Variants in SGCE observed in about 807,000 individuals in gnomAD.
SGCE encodes the protein sarcoglycan epsilon, also known as epsilon-sarcoglycan.
SGCE carries 26 observed loss-of-function variants against 57.8 expected under a neutral mutation model. That is an observed-to-expected ratio of 0.45 (90% CI 0.33 to 0.62). The LOEUF (loss-of-function observed/expected upper bound fraction) is 0.62. Ranked by LOEUF, SGCE falls within the 20% of genes least tolerant of loss-of-function variation. The probability of loss-of-function intolerance (pLI) is 0.02; values close to 1 mark genes in which losing one functional copy is unlikely to be tolerated. For synonymous variants in SGCE, 183 were observed against 189.5 expected (o/e 0.97, Z 0.28); for missense variants, 468 against 548.6 (o/e 0.85, Z 1.47).
rs932639243 is a variant in SGCE, at chr7:94,599,038, T to C, written c.1065-75A>G. On this transcript the variant is annotated intron_variant, in intron 8 of 10. Coordinates refer to ENST00000648936, the MANE Select transcript of SGCE (RefSeq NM_003919.3). ...CTGATGGGTCATCAATTTGAAAAACTTATGAAGTATTTTTATCTTTTAAAA... is the reference window on the plus strand; with the variant it reads ...CTGATGGGTCATCAATTTGAAAAACCTATGAAGTATTTTTATCTTTTAAAA... 5 of 1,067,670 alleles carry C rather than the reference T, an allele frequency of 4.7e-6. No homozygotes were observed. The African/African-American group carries it at 8.0e-5, about 17-fold the overall frequency. The allele number at this position is 1,067,670 out of a possible 1,614,324, so 66.1% of individuals were successfully genotyped here.
intron 1 of SGCE, among the ~76,000 whole-genome samples, chr7:94,638,562 C>T (rs545790886): frequency 2.1e-4 from 32 of 150,564 alleles, no homozygotes; most frequent in African/African-American, 6.4e-4. Context: ...TTGGTTGCTC[C>T]GAAGTTAGAG....
chr7:94,648,987 G>A (rs913763619), intron 1 of SGCE, among the ~76,000 whole-genome samples: 1 of 152,186 alleles, frequency 6.6e-6, no homozygotes, highest in Non-Finnish European at 1.5e-5. Context: ...GAATGGGAAA[G>A]AATTCATACC....
At chr7:94,599,571 C>G in intron 8 of SGCE, 126 bp downstream of exon 8, 1 of 799,186 alleles carries the variant, frequency 1.3e-6, no homozygotes. Flanking sequence ...GCAGCTTTCA[C>G]ATTTATGAAA....
chr7:94,618,700 A>T (rs1802309469), intron 5 of SGCE, 58 bp downstream of exon 5: 1 of 1,417,942 alleles, frequency 7.1e-7, no homozygotes, highest in Non-Finnish European at 9.9e-7. Flanking sequence ...AATAAGTTTG[A>T]TAAGATCACC....
chr7:94,650,475 G>C (rs1807726279), intron 1 of SGCE, among the ~76,000 whole-genome samples: 1 of 151,874 alleles, frequency 6.6e-6, no homozygotes, highest in Admixed American at 6.6e-5. Context: ...CTTCTTCTCA[G>C]GTTTTCATGT....
intron 1 of SGCE, among the ~76,000 whole-genome samples, chr7:94,642,714 A>G (rs1054480921): frequency 1.3e-5 from 2 of 152,180 alleles, no homozygotes; most frequent in African/African-American, 4.8e-5. Flanking sequence ...AACATGCAAG[A>G]CCTTGCTGGA....
intron 10 of SGCE, among the ~76,000 whole-genome samples, chr7:94,586,055 C>A (rs1475552453): frequency 1.8e-4 from 1 of 5,578 alleles, no homozygotes; most frequent in African/African-American, 9.0e-4. Context: ...AAACAAGGAA[C>A]TAAATGAAAA....
At chr7:94,601,893 A>G (rs752438720) in intron 6 of SGCE, among the ~76,000 whole-genome samples, 3 of 152,014 alleles carry the variant, frequency 2.0e-5, no homozygotes, top group Non-Finnish European at 2.9e-5. Context: ...TTTATTTATT[A>G]TGTTTACTGT....
chr7:94,603,549 G>C (rs147404413), intron 5 of SGCE, 97 bp from the exon 6 acceptor site: 57 of 1,140,304 alleles, frequency 5.0e-5, no homozygotes, highest in Non-Finnish European at 7.3e-5. Context: ...TTTGAATTGA[G>C]AGATTAACTA....
At chr7:94,587,446 G>A (rs1797057234) in intron 10 of SGCE, 1 of 1,188,108 alleles carries the variant, frequency 8.4e-7, no homozygotes, top group Admixed American at 4.6e-5. Flanking sequence ...TAGGCGAGAT[G>A]GAAGCTACAA....
At chr7:94,601,360 C>T (rs1799188156) in intron 6 of SGCE, among the ~76,000 whole-genome samples, 2 of 147,234 alleles carry the variant, frequency 1.4e-5, no homozygotes, top group Admixed American at 1.4e-4. Context: ...TTTCTGCCTT[C>T]CAGCTGACAG....
Position 94,600,768 on chromosome 7 carries a change from A to G in SGCE, c.915T>C (p.Ser305=). Residue 305 remains serine (S), a synonymous_variant, in exon 7 of 11, where the codon TCT becomes TCC. Coordinates refer to ENST00000648936, the MANE Select transcript of SGCE (RefSeq NM_003919.3). ...LPDGGEYKPP[S]DSLKSRDYYT... ...AATAGTCTCTGCTTTTCAAAGAATC[A>G]GAAGGGGGTTTGTATTCTCCACCAT... 1 of 1,613,720 alleles carries G rather than the reference A, an allele frequency of 6.2e-7. No individual in the cohort carries two copies. Among genetic ancestry groups the G allele is most frequent in the Non-Finnish European group, 8.5e-7 (1 of 1,179,826 alleles).
chr7:94,647,797 C>T (rs1459381617), intron 1 of SGCE, among the ~76,000 whole-genome samples: 1 of 152,192 alleles, frequency 6.6e-6, no homozygotes, highest in Non-Finnish European at 1.5e-5. Context: ...CTAATATTTA[C>T]TCATCCTTAA....
At chr7:94,625,115 T>G (rs1334664539) in intron 3 of SGCE, 1 of 152,040 alleles carries the variant, frequency 6.6e-6, no homozygotes, top group Non-Finnish European at 1.5e-5. Context: ...GCATACTTTA[T>G]TTTTGATTCC....
intron 8 of SGCE, 135 bp downstream of exon 8, chr7:94,599,562 C>A: frequency 1.3e-6 from 1 of 742,300 alleles, no homozygotes; most frequent in African/African-American, 1.8e-5. Context: ...ATTTAGAAAG[C>A]AGCTTTCACA....
chr7:94,605,667 T>TA (rs1047284338), intron 5 of SGCE, among the ~76,000 whole-genome samples: 18 of 151,848 alleles, frequency 1.2e-4, no homozygotes, highest in African/African-American at 4.1e-4. Context: ...AAAGACAGTT[T>TA]AAAAAATACA....
intron 10 of SGCE, among the ~76,000 whole-genome samples, chr7:94,586,061 G>GAAAAAAAAAAAAAAAAAAAAAAAA (rs780812386): frequency 1.4e-4 from 4 of 28,904 alleles, no homozygotes; most frequent in Non-Finnish European, 1.8e-4. Context: ...GGAACTAAAT[G>GAAAAAAAAAAAAAAAAAAAAAAAA]AAAAAAAAAA....
chr7:94,623,072 G>C (rs1016587934), intron 4 of SGCE, among the ~76,000 whole-genome samples: 1 of 152,042 alleles, frequency 6.6e-6, no homozygotes, highest in African/African-American at 2.4e-5. Context: ...CCCATTTTAA[G>C]GTAATGAAAA....
chr7:94,655,358 G>A (rs907803956), intron 1 of SGCE, among the ~76,000 whole-genome samples: 11 of 152,094 alleles, frequency 7.2e-5, no homozygotes, highest in African/African-American at 2.7e-4. Context: ...GGTTAACCCT[G>A]ACCTGAACGC....
Sources: gnomAD v4.1 joint callset for allele counts (sites outside exome capture counted in the v4.1 genomes callset) on GRCh38, gnomAD v4.1.1 for gene constraint, MANE v1.5 for transcripts, NCBI Gene and HGNC (gene_info 2026-07-23, HGNC 2026-07-21) for gene names.